The following DPP6 variants were observed in gnomAD, a reference collection of about 807,000 sequenced individuals.
DPP6 encodes dipeptidyl peptidase like 6.
In DPP6, 69 loss-of-function variants were observed where a neutral mutation model predicts 122.6. The ratio of observed to expected loss-of-function variants is 0.56; its 90% CI spans 0.46 to 0.69. DPP6 has a LOEUF of 0.69. Ranked by LOEUF, DPP6 falls within the 30% of genes least tolerant of loss-of-function variation. DPP6 has a pLI of 0.00. For missense variants in DPP6, 928 were observed against 1,116.9 expected, an observed-to-expected ratio of 0.83 and a Z score of 2.41; for synonymous variants, 418 against 433.1, an observed-to-expected ratio of 0.97 and a Z score of 0.43.
chr7:153,870,723 T>C, the DPP6 span, among the ~76,000 whole-genome samples: 2 of 152,222 alleles, frequency 1.3e-5, no homozygotes, highest in African/African-American at 4.8e-5. Context: ...GAGGAGAGGC[T>C]CTCTGATTTT....
At chr7:154,293,191 A>G (rs917999667) in intron 1 of DPP6, among the ~76,000 whole-genome samples, 1 of 152,226 alleles carries the variant, frequency 6.6e-6, no homozygotes, top group African/African-American at 2.4e-5. Context: ...CACTTAAGAT[A>G]TAAGTCATAG....
At chr7:154,340,512 G>C (rs771414694) in intron 1 of DPP6, among the ~76,000 whole-genome samples, 13 of 152,050 alleles carry the variant, frequency 8.5e-5, no homozygotes, top group Non-Finnish European at 1.8e-4. Flanking sequence ...CACTGGCTAT[G>C]GTGAATAATT....
intron 5 of DPP6, among the ~76,000 whole-genome samples, chr7:154,595,789 A>G (rs1038791593): frequency 6.6e-6 from 1 of 152,260 alleles, no homozygotes; most frequent in Non-Finnish European, 1.5e-5. Flanking sequence ...GGCTGGGTGC[A>G]GTGGCTCACG....
At chr7:154,237,256 C>G (rs1801277307) in intron 1 of DPP6, among the ~76,000 whole-genome samples, 1 of 152,160 alleles carries the variant, frequency 6.6e-6, no homozygotes, top group African/African-American at 2.4e-5. Context: ...CCCTTAGTAT[C>G]TTGTTTACAG....
chr7:154,322,930 A>G (rs147403746), intron 1 of DPP6, among the ~76,000 whole-genome samples: 8 of 152,300 alleles, frequency 5.3e-5, no homozygotes, highest in Middle Eastern at 3.4e-3. Context: ...AAATCAGGTA[A>G]TGTGTGTGAA....
chr7:153,890,624 A>G (rs1458352369), intron 1 of DPP6, among the ~76,000 whole-genome samples: 1 of 149,328 alleles, frequency 6.7e-6, no homozygotes, highest in African/African-American at 2.5e-5. Context: ...ATACTATCTG[A>G]TCTTGTTTTG....
At position 154,769,561 on chromosome 7, in the gene DPP6, A is replaced by G. The variant is rs1190222316; in HGVS notation, c.1028A>G (p.His343Arg). 2 of 1,603,116 alleles carry G rather than the reference A, an allele frequency of 1.2e-6. No individual in the cohort carries two copies. The highest frequency in any genetic ancestry group is 2.2e-5 in the South Asian group (2 of 90,450). The change falls in exon 9 of 26, where the codon CAC (histidine) becomes CGC (arginine). Residue 343 changes from histidine (H) to arginine (R), a missense_variant. His to Arg is a conservative substitution (Grantham distance 29, BLOSUM62 0). Transcript: ENST00000377770. ...GSIYPTVKPYHYPKAGSENPS... is the reference protein window; with the variant it reads ...GSIYPTVKPYRYPKAGSENPS... ...ATCTACCCCACCGTGAAGCCCTACC[A>G]CTATCCCAAGGTAGGCAAAGGGACA...
chr7:154,155,811 A>G (rs1278284851), intron 1 of DPP6, among the ~76,000 whole-genome samples: 2 of 152,188 alleles, frequency 1.3e-5, no homozygotes, highest in Admixed American at 6.5e-5. Flanking sequence ...CTGTATGTCC[A>G]GTCAACCTCA....
intron 5 of DPP6, among the ~76,000 whole-genome samples, chr7:154,586,590 C>T (rs1832465880): frequency 1.3e-5 from 2 of 152,170 alleles, no homozygotes; most frequent in African/African-American, 4.8e-5. Flanking sequence ...CGGAGCCCAG[C>T]CCCTGATGGC....
the DPP6 span, among the ~76,000 whole-genome samples, chr7:153,816,379 T>G: frequency 1.3e-5 from 2 of 152,104 alleles, no homozygotes; most frequent in African/African-American, 4.8e-5. Context: ...ATAGTGAAGA[T>G]GTCCTAAAAA....
the DPP6 span, among the ~76,000 whole-genome samples, chr7:153,875,558 G>A: frequency 6.6e-6 from 1 of 151,996 alleles, no homozygotes; most frequent in Non-Finnish European, 1.5e-5. Context: ...ATTACTCAAA[G>A]TTCCTTATTA....
At chr7:154,191,325 T>C (rs1798607474) in intron 1 of DPP6, among the ~76,000 whole-genome samples, 1 of 152,244 alleles carries the variant, frequency 6.6e-6, no homozygotes, top group African/African-American at 2.4e-5. Flanking sequence ...ACTTCTTTTG[T>C]AGGCAGATAG....
chr7:154,560,684 A>G (rs566229480), intron 4 of DPP6, among the ~76,000 whole-genome samples: 136 of 152,270 alleles, frequency 8.9e-4, no homozygotes, highest in African/African-American at 3.1e-3. Flanking sequence ...AGAGTTCGAG[A>G]CCAACCTGGC....
intron 16 of DPP6, among the ~76,000 whole-genome samples, chr7:154,818,950 C>T (rs1027149364): frequency 9.9e-5 from 15 of 152,204 alleles, no homozygotes; most frequent in African/African-American, 2.9e-4. Context: ...CACTCATATT[C>T]CTCCTCAGTA....
At position 154,094,194 on chromosome 7, in the gene DPP6, G is replaced by A. The variant is rs575458931; in HGVS notation, c.243+41131G>A. ...TCATAATAGATGCGAGATCATCCTCGGGCCAGTTAGCATGCACAGTTTCCC... is the reference window on the plus strand; with the variant it reads ...TCATAATAGATGCGAGATCATCCTCAGGCCAGTTAGCATGCACAGTTTCCC... On this transcript the variant is annotated intron_variant, in intron 1 of 25. Transcript: ENST00000377770. The A allele has an allele frequency of 3.3e-5, 5 of 152,230 alleles. No homozygotes were observed. The East Asian group carries it at 5.8e-4, about 18-fold the overall frequency. 9.4% of individuals were successfully genotyped at this position (152,230 alleles called of 1,614,324 possible).
intron 1 of DPP6, among the ~76,000 whole-genome samples, chr7:153,919,661 A>T (rs1161731732): frequency 1.3e-5 from 2 of 152,202 alleles, no homozygotes; most frequent in Non-Finnish European, 2.9e-5. Flanking sequence ...GGGAAATAAG[A>T]ATTAGCCCCA....
chr7:153,835,491 T>C, the DPP6 span, among the ~76,000 whole-genome samples: 1 of 152,190 alleles, frequency 6.6e-6, no homozygotes, highest in African/African-American at 2.4e-5. Context: ...GTATTAGTTC[T>C]ATACATACAT....
At chr7:154,773,640 C>G (rs1050890171) in intron 10 of DPP6, among the ~76,000 whole-genome samples, 5 of 152,100 alleles carry the variant, frequency 3.3e-5, no homozygotes, top group African/African-American at 1.2e-4. Context: ...TTTAGGGGTG[C>G]CAGGACCCAC....
chr7:154,478,167 C>T (rs552958000), intron 3 of DPP6, among the ~76,000 whole-genome samples: 1 of 152,090 alleles, frequency 6.6e-6, no homozygotes, highest in East Asian at 1.9e-4. Flanking sequence ...TTTAATACCA[C>T]AAGTCTAAGT....
Sources: allele counts gnomAD v4.1 joint callset (sites outside exome capture counted in the v4.1 genomes callset), GRCh38; gene constraint gnomAD v4.1.1; transcripts MANE v1.5; gene names NCBI Gene and HGNC (gene_info 2026-07-23, HGNC 2026-07-21).